PLA2G4A: variants seen among roughly 807,000 people sequenced by gnomAD.
PLA2G4A encodes cytosolic phospholipase A2.
PLA2G4A carries 40 observed loss-of-function variants against 81.9 expected under a neutral mutation model. That is an observed-to-expected ratio of 0.49 (90% CI 0.38 to 0.64). The LOEUF (loss-of-function observed/expected upper bound fraction) is 0.64, where lower values mean the gene tolerates loss of function less well. PLA2G4A is among the 30% of genes least tolerant of loss of function. PLA2G4A has a pLI of 0.00. For synonymous variants in PLA2G4A, 302 were observed against 296.9 expected (o/e 1.02, Z -0.18); for missense variants, 715 against 905.1 (o/e 0.79, Z 2.69).
rs1657646021 is a variant in PLA2G4A, at chr1:186,979,485, T to C, written c.2118+13T>C. The C allele has an allele frequency of 1.3e-6, 2 of 1,508,904 alleles. No individual in the cohort carries two copies. Among genetic ancestry groups the C allele is most frequent in the Non-Finnish European group, 1.8e-6 (2 of 1,084,086 alleles). 93.5% of individuals were successfully genotyped at this position (1,508,904 alleles called of 1,614,324 possible). A position where few individuals can be genotyped will look rare whatever the true frequency, so the allele number is the denominator to read the frequency against. Reference sequence around the variant, plus strand: ...GAACAACATTGATGTAAGTATCTCCTATGGCCATTGACTATGTCAAATGAC... The same window carrying C: ...GAACAACATTGATGTAAGTATCTCCCATGGCCATTGACTATGTCAAATGAC... On this transcript the variant is annotated intron_variant, in intron 17 of 17. Transcript: ENST00000367466.
intron 3 of PLA2G4A, among the ~76,000 whole-genome samples, chr1:186,875,010 T>C (rs1176982204): frequency 6.6e-6 from 1 of 152,106 alleles, no homozygotes; most frequent in Non-Finnish European, 1.5e-5. Flanking sequence ...TAAATTATAA[T>C]GTCCATATGA....
intron 7 of PLA2G4A, among the ~76,000 whole-genome samples, chr1:186,925,297 G>A (rs539261887): frequency 1.3e-5 from 2 of 152,252 alleles, no homozygotes; most frequent in South Asian, 2.1e-4. Flanking sequence ...ATATGTTTGT[G>A]TATTGAGAGG....
At chr1:186,830,957 GCTTTCTTTCTTTCTTTCTTTCTTT>G (rs71104890) in intron 1 of PLA2G4A, among the ~76,000 whole-genome samples, 47 of 82,784 alleles carry the variant, frequency 5.7e-4, no homozygotes, top group African/African-American at 1.4e-3. Flanking sequence ...TTGCTTGCTT[GCTTTCTTTCTTTCTTTCTTTCTTT>G]CTTTCTTTCT....
intron 17 of PLA2G4A, among the ~76,000 whole-genome samples, chr1:186,981,788 T>C (rs1317794896): frequency 6.6e-6 from 1 of 152,098 alleles, no homozygotes; most frequent in East Asian, 1.9e-4. Context: ...ATAAATTCAT[T>C]AAAAAATAAT....
chr1:186,937,738 AAAT>A (rs9331236), intron 8 of PLA2G4A, among the ~76,000 whole-genome samples: 44,517 of 125,036 alleles, frequency 0.36, 8,672 homozygotes, highest in African/African-American at 0.57. Flanking sequence ...ACTAAAAAAA[AAAT>A]AGCCTACTGG....
intron 8 of PLA2G4A, 47 bp from the exon 9 acceptor site, chr1:186,938,961 G>T (rs759382059): frequency 3.1e-6 from 3 of 976,436 alleles, no homozygotes; most frequent in East Asian, 4.8e-5. Flanking sequence ...GGAGACTGTT[G>T]TGTAATGCTC....
At chr1:186,858,366 A>G (rs1432158792) in intron 2 of PLA2G4A, among the ~76,000 whole-genome samples, 1 of 152,182 alleles carries the variant, frequency 6.6e-6, no homozygotes, top group Admixed American at 6.6e-5. Context: ...AGTGATGATG[A>G]GCATTTTTTC....
At chr1:186,903,533 A>G (rs1308993418) in intron 5 of PLA2G4A, among the ~76,000 whole-genome samples, 2 of 152,218 alleles carry the variant, frequency 1.3e-5, no homozygotes, top group Non-Finnish European at 2.9e-5. Context: ...CTGTATTTAC[A>G]GTAGCTCCCC....
At chr1:186,868,071 C>CTTTTTTTTTTTTTT (rs59978011) in intron 2 of PLA2G4A, among the ~76,000 whole-genome samples, 2 of 112,926 alleles carry the variant, frequency 1.8e-5, no homozygotes, top group Non-Finnish European at 3.4e-5. Flanking sequence ...GTGTATAATT[C>CTTTTTTTTTTTTTT]TTTTTTTTTT....
intron 7 of PLA2G4A, among the ~76,000 whole-genome samples, chr1:186,914,859 C>T (rs1318121367): frequency 1.3e-5 from 2 of 152,144 alleles, no homozygotes; most frequent in African/African-American, 4.8e-5. Context: ...GAGACTCTCA[C>T]TCAATAGTGG....
intron 5 of PLA2G4A, among the ~76,000 whole-genome samples, chr1:186,899,335 G>C (rs951570916): frequency 6.6e-6 from 1 of 152,142 alleles, no homozygotes; most frequent in African/African-American, 2.4e-5. Flanking sequence ...ACCGGGAGGA[G>C]ATAAGGTCAG....
chr1:186,936,588 C>T (rs1005111453), intron 8 of PLA2G4A, among the ~76,000 whole-genome samples: 1 of 151,874 alleles, frequency 6.6e-6, no homozygotes, highest in South Asian at 2.1e-4. Context: ...CACTTCTGCT[C>T]TTTTTTAAGC....
At chr1:186,830,998 C>T (rs1651560076) in intron 1 of PLA2G4A, among the ~76,000 whole-genome samples, 1 of 133,800 alleles carries the variant, frequency 7.5e-6, no homozygotes. Flanking sequence ...TTCTTTCTTT[C>T]TTTCTTTCTT....
At chr1:186,925,989 A>G (rs1655533910) in intron 7 of PLA2G4A, among the ~76,000 whole-genome samples, 1 of 152,204 alleles carries the variant, frequency 6.6e-6, no homozygotes, top group Non-Finnish European at 1.5e-5. Context: ...TGCATGGAGT[A>G]AATTTGCTAG....
chr1:186,888,100 C>G lies in PLA2G4A; in HGVS notation c.116-4911C>G, dbSNP rs190984743. On this transcript the variant is annotated intron_variant, in intron 3 of 17. Transcript: ENST00000367466. The stretch of plus-strand genomic sequence containing the variant: ...AGAGGAGAAATTAGAAACGCTGCCA[C>G]TCTGGACATACATTTTAGAAAGCTG... Among the ~76,000 whole-genome samples, 30 of 152,250 alleles carry G rather than the reference C, an allele frequency of 2.0e-4. No homozygotes were observed. In the East Asian group the frequency reaches 5.4e-3, roughly 27 times the overall value.
intron 7 of PLA2G4A, among the ~76,000 whole-genome samples, chr1:186,922,889 G>C (rs536769371): frequency 1.8e-4 from 28 of 152,306 alleles, no homozygotes; most frequent in African/African-American, 5.8e-4. Context: ...ACGGGGGGCT[G>C]CATGCACTGG....
intron 3 of PLA2G4A, among the ~76,000 whole-genome samples, chr1:186,874,153 T>A (rs1330313714): frequency 1.3e-5 from 2 of 152,088 alleles, no homozygotes; most frequent in Admixed American, 6.6e-5. Flanking sequence ...AAATGTTGGG[T>A]TAATGTGTGT....
At chr1:186,875,327 CT>C (rs1316787678) in intron 3 of PLA2G4A, among the ~76,000 whole-genome samples, 16 of 151,798 alleles carry the variant, frequency 1.1e-4, no homozygotes, top group Non-Finnish European at 4.4e-5. Context: ...TTTTGAAATT[CT>C]TATAAAAGGA....
intron 2 of PLA2G4A, among the ~76,000 whole-genome samples, chr1:186,862,688 A>G (rs1411045966): frequency 6.6e-6 from 1 of 152,234 alleles, no homozygotes; most frequent in Non-Finnish European, 1.5e-5. Context: ...GTGCAAAGAC[A>G]TCTTAGATCT....
Sources: gnomAD v4.1 joint callset for allele counts (sites outside exome capture counted in the v4.1 genomes callset) on GRCh38, gnomAD v4.1.1 for gene constraint, MANE v1.5 for transcripts, NCBI Gene and HGNC (gene_info 2026-07-23, HGNC 2026-07-21) for gene names.